The following TMEM131L variants were observed in gnomAD, a reference collection of about 807,000 sequenced individuals.
The protein encoded by TMEM131L is transmembrane protein 131-like.
Under a neutral mutation model 192.2 loss-of-function variants are expected in TMEM131L, and 54 were observed. The observed-to-expected ratio is 0.28, with a 90% CI of 0.23 to 0.35. The LOEUF (loss-of-function observed/expected upper bound fraction) is 0.35, where lower values mean the gene tolerates loss of function less well. Ranked by LOEUF, TMEM131L falls within the 10% of genes least tolerant of loss-of-function variation. TMEM131L has a pLI of 1.00. For synonymous variants in TMEM131L, 701 were observed against 704.9 expected (o/e 0.99, Z 0.09); for missense variants, 1,888 against 1,972.9 (o/e 0.96, Z 0.82).
intron 28 of TMEM131L, 139 bp from the exon 29 acceptor site, chr4:153,622,759 T>A (rs1733526711): frequency 3.8e-6 from 3 of 782,640 alleles, no homozygotes; most frequent in Middle Eastern, 2.4e-4. Flanking sequence ...TTCCATGAAC[T>A]CCTCCTTTCT....
chr4:153,547,139 A>G (rs1457252309), intron 3 of TMEM131L, among the ~76,000 whole-genome samples: 1 of 152,216 alleles, frequency 6.6e-6, no homozygotes. Context: ...TATGACTCTT[A>G]GAGAAAAAAA....
chr4:153,529,828 C>T (rs983644630), intron 3 of TMEM131L, among the ~76,000 whole-genome samples: 1 of 152,190 alleles, frequency 6.6e-6, no homozygotes, highest in Non-Finnish European at 1.5e-5. Context: ...GTTTTGAAGT[C>T]ACACAGTGTA....
intron 3 of TMEM131L, among the ~76,000 whole-genome samples, chr4:153,479,595 C>T (rs76158801): frequency 6.6e-6 from 1 of 151,814 alleles, no homozygotes; most frequent in Non-Finnish European, 1.5e-5. Flanking sequence ...AAAATGCGTA[C>T]AAAAATCATA....
chr4:153,616,928 T>G (rs138030452), intron 26 of TMEM131L, among the ~76,000 whole-genome samples: 2,959 of 152,338 alleles, frequency 0.019, 93 homozygotes, highest in Admixed American at 0.086. Context: ...TAAATAAGTC[T>G]GTGATGAACA....
intron 3 of TMEM131L, among the ~76,000 whole-genome samples, chr4:153,536,578 A>G (rs1736344868): frequency 6.6e-6 from 1 of 152,132 alleles, no homozygotes. Flanking sequence ...GTGCTTGGCA[A>G]AACTCTTTAC....
intron 3 of TMEM131L, among the ~76,000 whole-genome samples, chr4:153,479,911 T>A (rs761285709): frequency 6.6e-5 from 10 of 152,254 alleles, no homozygotes; most frequent in Non-Finnish European, 1.0e-4. Context: ...TCTTTGTTAT[T>A]CAGAAATGGA....
chr4:153,487,778 G>T (rs1393885103), intron 3 of TMEM131L, among the ~76,000 whole-genome samples: 1 of 151,402 alleles, frequency 6.6e-6, no homozygotes, highest in Non-Finnish European at 1.5e-5. Context: ...ATGTGTGTGT[G>T]TGGGAGTGTG....
intron 3 of TMEM131L, among the ~76,000 whole-genome samples, chr4:153,544,550 C>T (rs1191006950): frequency 6.6e-6 from 1 of 152,200 alleles, no homozygotes; most frequent in African/African-American, 2.4e-5. Context: ...CTCCTCACTC[C>T]ACCCCTGGAG....
At chr4:153,477,384 G>A (rs1017300246) in intron 3 of TMEM131L, among the ~76,000 whole-genome samples, 5 of 152,206 alleles carry the variant, frequency 3.3e-5, no homozygotes, top group Non-Finnish European at 5.9e-5. Context: ...AGAGAGCTGT[G>A]TTGCACGTGC....
chr4:153,480,517 CAAA>C (rs1157080931), intron 3 of TMEM131L, among the ~76,000 whole-genome samples: 2 of 50,782 alleles, frequency 3.9e-5, no homozygotes, highest in Non-Finnish European at 7.5e-5. Context: ...GACTCCATCT[CAAA>C]AAAAAAAAAA....
At chr4:153,471,759 A>G (rs923509963) in intron 2 of TMEM131L, among the ~76,000 whole-genome samples, 1 of 152,336 alleles carries the variant, frequency 6.6e-6, no homozygotes. Context: ...GGGCAGGCTC[A>G]GTGCTCCACT....
At chr4:153,619,107 A>G (rs995665027) in intron 26 of TMEM131L, among the ~76,000 whole-genome samples, 1 of 152,152 alleles carries the variant, frequency 6.6e-6, no homozygotes, top group Admixed American at 6.5e-5. Flanking sequence ...TCGCTTGCAC[A>G]GGATGACAGT....
chr4:153,516,101 T>C (rs1734712537), intron 3 of TMEM131L, among the ~76,000 whole-genome samples: 2 of 152,172 alleles, frequency 1.3e-5, no homozygotes, highest in Admixed American at 1.3e-4. Context: ...ATAAATGGTA[T>C]GTTATTTTTA....
intron 7 of TMEM131L, among the ~76,000 whole-genome samples, chr4:153,568,877 A>G (rs892904559): frequency 2.6e-5 from 4 of 152,204 alleles, no homozygotes; most frequent in Non-Finnish European, 2.9e-5. Flanking sequence ...CTGATAAGAC[A>G]TATTCTCCTG....
chr4:153,505,362 T>A (rs1371244149), intron 3 of TMEM131L, among the ~76,000 whole-genome samples: 1 of 152,078 alleles, frequency 6.6e-6, no homozygotes, highest in East Asian at 1.9e-4. Flanking sequence ...CGCTTCAACC[T>A]CCCAAAGTGC....
At chr4:153,616,694 T>C (rs1732999740) in intron 26 of TMEM131L, among the ~76,000 whole-genome samples, 1 of 152,238 alleles carries the variant, frequency 6.6e-6, no homozygotes. Context: ...AACATTTTTG[T>C]ATTCTTTTCT....
Position 153,584,950 on chromosome 4 carries a change from C to T in TMEM131L, c.1157+19C>T. Reference sequence around the variant, plus strand: ...CTCAGGGGTAGGTTACTTCCACTTTCCCTGAAATCTTGTATGGTTGTTGTT... The same window carrying T: ...CTCAGGGGTAGGTTACTTCCACTTTTCCTGAAATCTTGTATGGTTGTTGTT... On this transcript the variant is annotated intron_variant, in intron 12 of 34. Coordinates refer to ENST00000409959, the MANE Select transcript of TMEM131L (RefSeq NM_001131007.2). 3.2e-6 allele frequency: 5 copies of T among 1,544,460 alleles called. No individual in the cohort carries two copies. Among genetic ancestry groups the T allele is most frequent in the Non-Finnish European group, 4.5e-6 (5 of 1,116,674 alleles).
At chr4:153,508,004 A>C (rs946905389) in intron 3 of TMEM131L, among the ~76,000 whole-genome samples, 1 of 152,202 alleles carries the variant, frequency 6.6e-6, no homozygotes, top group African/African-American at 2.4e-5. Flanking sequence ...ACTGGAGGCA[A>C]GGAGACTGAT....
intron 4 of TMEM131L, among the ~76,000 whole-genome samples, chr4:153,553,768 C>T (rs963669100): frequency 2.0e-5 from 3 of 152,178 alleles, no homozygotes; most frequent in African/African-American, 7.2e-5. Context: ...GGTTAATATT[C>T]TGTTGGTCCT....
Sources: allele counts gnomAD v4.1 joint callset (sites outside exome capture counted in the v4.1 genomes callset), GRCh38; gene constraint gnomAD v4.1.1; transcripts MANE v1.5; gene names NCBI Gene and HGNC (gene_info 2026-07-23, HGNC 2026-07-21).